PLCB1: variants seen among roughly 807,000 people sequenced by gnomAD.
The protein encoded by PLCB1 is 1-phosphatidylinositol 4,5-bisphosphate phosphodiesterase beta-1.
PLCB1 carries 46 observed loss-of-function variants against 161.8 expected under a neutral mutation model. The observed-to-expected ratio is 0.28, with a 90% confidence interval of 0.22 to 0.36. The LOEUF is 0.36. Among genes scored for constraint, PLCB1 ranks in the 10% least tolerant of loss-of-function variants. PLCB1 has a pLI of 1.00. For missense variants in PLCB1, 1,016 were observed against 1,472.5 expected (o/e 0.69, Z 5.07); for synonymous variants, 517 against 503.7 (o/e 1.03, Z -0.35).
At chr20:8,861,397 C>T (rs1987248157) in intron 31 of PLCB1, among the ~76,000 whole-genome samples, 1 of 152,120 alleles carries the variant, frequency 6.6e-6, no homozygotes, top group Non-Finnish European at 1.5e-5. Context: ...TGAGATAAAA[C>T]ATTTGGTTAA....
At chr20:8,800,835 A>G (rs1984248142) in intron 31 of PLCB1, among the ~76,000 whole-genome samples, 1 of 152,174 alleles carries the variant, frequency 6.6e-6, no homozygotes. Flanking sequence ...TGAAAAAAAT[A>G]TTGTAAAGCA....
At chr20:8,750,804 G>A (rs1318844284) in intron 23 of PLCB1, 2 of 1,351,642 alleles carry the variant, frequency 1.5e-6, no homozygotes, top group African/African-American at 3.0e-5. Flanking sequence ...TCCTGAGTAG[G>A]GTGGATTTCT....
intron 3 of PLCB1, among the ~76,000 whole-genome samples, chr20:8,447,331 C>T (rs1403051916): frequency 6.6e-6 from 1 of 152,162 alleles, no homozygotes; most frequent in Non-Finnish European, 1.5e-5. Flanking sequence ...TTTGGACAAG[C>T]AGCATATCTT....
chr20:8,722,606 G>A (rs963324240), intron 15 of PLCB1, among the ~76,000 whole-genome samples, 185 bp downstream of exon 15: 28 of 152,080 alleles, frequency 1.8e-4, no homozygotes, highest in African/African-American at 6.3e-4. Flanking sequence ...AAGATATGGC[G>A]TTTAGAAAAA....
chr20:8,848,554 G>A (rs972790747), intron 31 of PLCB1, among the ~76,000 whole-genome samples: 3 of 152,242 alleles, frequency 2.0e-5, no homozygotes, highest in Admixed American at 6.5e-5. Context: ...GTCTATGCCA[G>A]AAACCTGGGA....
chr20:8,140,437 C>T lies in PLCB1; in HGVS notation c.99+7687C>T, dbSNP rs1268574610. ...ATCTAAGTATCCTACATAGTTTTCT[C>T]CTTCAGTACTACTGTTGAGTAAAAT... On this transcript the variant is annotated intron_variant, in intron 1 of 31. Transcript: ENST00000338037. 2.0e-5 allele frequency among the ~76,000 whole-genome samples: 3 copies of T among 152,174 alleles called. No homozygotes were observed. In the East Asian group the frequency reaches 5.8e-4, roughly 29 times the overall value.
At chr20:8,369,189 A>G (rs1986820941) in intron 2 of PLCB1, among the ~76,000 whole-genome samples, 1 of 152,062 alleles carries the variant, frequency 6.6e-6, no homozygotes, top group South Asian at 2.1e-4. Flanking sequence ...TTTTGCCCAA[A>G]CTTCTGAGTC....
intron 10 of PLCB1, among the ~76,000 whole-genome samples, chr20:8,696,303 T>G (rs1164065291): frequency 6.6e-6 from 1 of 152,258 alleles, no homozygotes; most frequent in African/African-American, 2.4e-5. Context: ...TGAAAGCCAG[T>G]TGACCATAAA....
At chr20:8,749,905 T>C (rs1055819190) in intron 23 of PLCB1, among the ~76,000 whole-genome samples, 8 of 152,178 alleles carry the variant, frequency 5.3e-5, no homozygotes, top group Non-Finnish European at 8.8e-5. Flanking sequence ...AATAGAGCTA[T>C]TTATTATGTA....
chr20:8,239,826 G>A (rs1377339966), intron 2 of PLCB1, among the ~76,000 whole-genome samples: 1 of 151,976 alleles, frequency 6.6e-6, no homozygotes, highest in Admixed American at 6.6e-5. Context: ...GGCCACTAAT[G>A]CACTGTAAAA....
At chr20:8,580,577 G>A (rs1986803117) in intron 3 of PLCB1, among the ~76,000 whole-genome samples, 1 of 149,738 alleles carries the variant, frequency 6.7e-6, no homozygotes. Context: ...ATTTTTGCAG[G>A]GGAAGCAATA....
At chr20:8,674,928 G>A (rs1446016139) in intron 9 of PLCB1, among the ~76,000 whole-genome samples, 3 of 152,168 alleles carry the variant, frequency 2.0e-5, no homozygotes, top group Non-Finnish European at 4.4e-5. Context: ...TGACAGGATT[G>A]AACACATGAT....
intron 31 of PLCB1, among the ~76,000 whole-genome samples, chr20:8,853,161 G>T (rs1986948001): frequency 6.6e-6 from 1 of 152,144 alleles, no homozygotes; most frequent in Non-Finnish European, 1.5e-5. Flanking sequence ...GGCACATAAG[G>T]AAATAAATCC....
intron 3 of PLCB1, among the ~76,000 whole-genome samples, chr20:8,620,675 G>A (rs6077393): frequency 0.068 from 10,166 of 149,288 alleles, 778 homozygotes; most frequent in African/African-American, 0.19. Context: ...GGAGGTAGAG[G>A]CTGCAGTGAA....
intron 3 of PLCB1, among the ~76,000 whole-genome samples, chr20:8,381,115 C>T (rs146108723): frequency 6.6e-6 from 1 of 152,130 alleles, no homozygotes. Context: ...GAGATATGCT[C>T]TATCAATGCC....
intron 2 of PLCB1, among the ~76,000 whole-genome samples, chr20:8,284,177 T>A (rs1284975166): frequency 6.6e-6 from 1 of 152,124 alleles, no homozygotes; most frequent in East Asian, 1.9e-4. Flanking sequence ...TCTTTTCTTC[T>A]TTTAACTAGG....
In PLCB1 at chr20:8,424,026, A is replaced by G. The variant is rs557470247; in HGVS notation, c.246+52576A>G. Among the ~76,000 whole-genome samples, 8 of 152,326 alleles carry G rather than the reference A, an allele frequency of 5.3e-5. No homozygotes were observed. In the South Asian group the frequency reaches 1.4e-3, roughly 28 times the overall value. The stretch of plus-strand genomic sequence containing the variant: ...TACCAAGACTGCCCTCTGGAAGAAC[A>G]GAGGGGTCACCCACACAATCTGGAA... On this transcript the variant is annotated intron_variant, in intron 3 of 31. Coordinates refer to ENST00000338037, the MANE Select transcript of PLCB1 (RefSeq NM_015192.4).
At chr20:8,575,418 A>G (rs143167789) in intron 3 of PLCB1, among the ~76,000 whole-genome samples, 1 of 152,352 alleles carries the variant, frequency 6.6e-6, no homozygotes, top group African/African-American at 2.4e-5. Context: ...ATGTCTGTGC[A>G]TAGACAGAGC....
chr20:8,323,919 T>C (rs2122169056), intron 2 of PLCB1, among the ~76,000 whole-genome samples: 1 of 152,246 alleles, frequency 6.6e-6, no homozygotes, highest in South Asian at 2.1e-4. Flanking sequence ...AGTGATGCTT[T>C]TACTAATTTT....
Sources: allele counts gnomAD v4.1 joint callset (sites outside exome capture counted in the v4.1 genomes callset), GRCh38; gene constraint gnomAD v4.1.1; transcripts MANE v1.5; gene names NCBI Gene and HGNC (gene_info 2026-07-23, HGNC 2026-07-21).